Variants in ZNF574 observed in about 807,000 individuals in gnomAD.
ZNF574 encodes zinc finger protein 574.
Under a neutral mutation model 56.6 loss-of-function variants are expected in ZNF574, and 25 were observed. That is an observed-to-expected ratio of 0.44 (90% CI 0.32 to 0.62). The LOEUF (loss-of-function observed/expected upper bound fraction) is 0.62, where lower values mean the gene tolerates loss of function less well. Ranked by LOEUF, ZNF574 falls within the 20% of genes least tolerant of loss-of-function variation. ZNF574 has a pLI of 0.04. For missense variants in ZNF574, 1,065 were observed against 1,218.9 expected (o/e 0.87, Z 1.88); for synonymous variants, 543 against 492.1 (o/e 1.10, Z -1.37).
In ZNF574 at chr19:42,080,842, C is replaced by A. The variant is rs1295500147; in HGVS notation, c.2236C>A (p.Leu746Met). The A allele has an allele frequency of 1.9e-6, 3 of 1,613,994 alleles. No individual in the cohort carries two copies. Among genetic ancestry groups the A allele is most frequent in the African/African-American group, 2.7e-5 (2 of 74,944 alleles). ...RGLECSECKK[L>M]FSTETSLQVH... ...TCTAGAGTGCAGCGAGTGCAAGAAGCTGTTCAGCACAGAGACGTCACTGCA... is the reference window on the plus strand; with the variant it reads ...TCTAGAGTGCAGCGAGTGCAAGAAGATGTTCAGCACAGAGACGTCACTGCA... Residue 746 changes from leucine (L) to methionine (M), a missense_variant, in exon 2 of 2, where the codon CTG becomes ATG. Physicochemically the swap from Leu to Met is conservative, Grantham distance 15. Transcript: ENST00000359044. The surrounding 1 kb of genome is among the most constrained non-coding windows in gnomAD (Gnocchi z 8.5).
chr19:42,072,827 A>G (rs2076433656), upstream of ZNF574, among the ~76,000 whole-genome samples: 1 of 152,136 alleles, frequency 6.6e-6, no homozygotes, highest in Admixed American at 6.5e-5. Flanking sequence ...CGGTCTCCCA[A>G]AGTGTTGTGA....
rs1240370202 is a variant in ZNF574 at position 42,079,557 on chromosome 19, C to T, written c.951C>T (p.Leu317=). The change falls in exon 2 of 2, where the codon CTC becomes CTT. Residue 317 remains leucine (L), a synonymous_variant. Coordinates refer to ENST00000359044, the MANE Select transcript of ZNF574 (RefSeq NM_022752.6). This position sits in a 1 kb window ranked among gnomAD's most constrained non-coding sequence, Gnocchi z 4.3. ...QELFCSACDQ[L]FLSPHQLQQH... is the part of the protein sequence containing the mutation. Reference sequence around the variant, plus strand: ...TCTTCTGCTCAGCCTGTGACCAGCTCTTTCTCTCACCCCACCAGCTACAGC... The same window carrying T: ...TCTTCTGCTCAGCCTGTGACCAGCTTTTTCTCTCACCCCACCAGCTACAGC... 1.2e-6 allele frequency: 2 copies of T among 1,614,124 alleles called. No individual in the cohort carries two copies. Among genetic ancestry groups the T allele is most frequent in the African/African-American group, 1.3e-5 (1 of 75,058 alleles).
At position 42,080,859 on chromosome 19, in the gene ZNF574, G is replaced by A. The variant is rs569304686; in HGVS notation, c.2253G>A (p.Thr751=). ...SECKKLFSTE[T]SLQVHRRIHT... is the part of the protein sequence containing the mutation. ...GCAAGAAGCTGTTCAGCACAGAGAC[G>A]TCACTGCAGGTGCACCGGCGCATCC... Residue 751 remains threonine, a synonymous_variant, in exon 2 of 2, where the codon ACG becomes ACA. Coordinates refer to ENST00000359044, the MANE Select transcript of ZNF574 (RefSeq NM_022752.6). The surrounding 1 kb of genome is among the most constrained non-coding windows in gnomAD (Gnocchi z 8.5). 4.3e-5 allele frequency: 70 copies of A among 1,614,022 alleles called. No homozygotes were observed. In the Middle Eastern group the frequency reaches 5.0e-4, roughly 11 times the overall value.
chr19:42,070,016 G>T (rs548151758), intron 1 of ZNF574, among the ~76,000 whole-genome samples: 1 of 151,956 alleles, frequency 6.6e-6, no homozygotes, highest in Non-Finnish European at 1.5e-5. Flanking sequence ...AGGGGCTCCC[G>T]GTGCTGGGCC....
At chr19:42,076,497 GGGGCTGAGTGAGGAGGGGCGGGGCTC>G (rs2076456833) in intron 1 of ZNF574, among the ~76,000 whole-genome samples, 1 of 151,718 alleles carries the variant, frequency 6.6e-6, no homozygotes, top group East Asian at 1.9e-4. Flanking sequence ...AGTCGCGTGC[GGGGCTGAGTGAGGAGGGGCGGGGCTC>G]GGGCTGAGGC....
Position 42,079,063 on chromosome 19 carries a change from C to T in ZNF574, c.457C>T (p.Pro153Ser), listed in dbSNP as rs1456848256. Residue 153 changes from proline to serine, a missense_variant, in exon 2 of 2, where the codon CCC becomes TCC. By Grantham distance (74) the Pro-to-Ser change is moderately conservative (BLOSUM62 -1). Coordinates refer to ENST00000359044, the MANE Select transcript of ZNF574 (RefSeq NM_022752.6). This position sits in a 1 kb window ranked among gnomAD's most constrained non-coding sequence, Gnocchi z 4.3. ...NHRQTHLRAT[P>S]TKAPAPVVLG... ...CCGGCAGACGCACCTCCGGGCCACA[C>T]CCACCAAGGCTCCTGCCCCTGTTGT... 2 of 1,614,070 alleles carry T rather than the reference C, an allele frequency of 1.2e-6. No homozygotes were observed. Among genetic ancestry groups the T allele is most frequent in the Non-Finnish European group, 1.7e-6 (2 of 1,180,032 alleles).
At position 42,081,319 on chromosome 19, in the gene ZNF574, G is replaced by C. The variant is rs770972665; in HGVS notation, c.*22G>C. 6.8e-6 allele frequency: 11 copies of C among 1,614,054 alleles called. No homozygotes were observed. Among genetic ancestry groups the C allele is most frequent in the Non-Finnish European group, 9.3e-6 (11 of 1,180,016 alleles). ...CTGACTCTGCCCGACTTCCTCTTTG[G>C]CACCTCCATTCCCTGTTGCTGAAGG... is the stretch of plus-strand genomic sequence containing the variant. On this transcript the variant is annotated 3_prime_UTR_variant, in exon 2 of 2. Coordinates refer to ENST00000359044, the MANE Select transcript of ZNF574 (RefSeq NM_022752.6).
intron 1 of ZNF574, among the ~76,000 whole-genome samples, chr19:42,078,173 T>A (rs563876775): frequency 6.6e-6 from 1 of 151,792 alleles, no homozygotes; most frequent in Admixed American, 6.6e-5. Flanking sequence ...GGGGTTTCAG[T>A]TGGGTACCTT....
chr19:42,078,677 T>C lies in ZNF574; in HGVS notation c.71T>C (p.Leu24Pro). 6.2e-7 allele frequency: 1 copy of C among 1,614,096 alleles called. No individual in the cohort carries two copies. Among genetic ancestry groups the C allele is most frequent in the Non-Finnish European group, 8.5e-7 (1 of 1,179,978 alleles). The change falls in exon 2 of 2, where the codon CTG (leucine) becomes CCG (proline). Residue 24 changes from leucine (L) to proline (P), a missense_variant. Transcript: ENST00000359044. ...HRYVCSECNQ[L>P]YGSLEEVLMH... ...TATGTCTGCTCTGAGTGCAACCAGCTGTATGGATCACTGGAAGAGGTGCTT... is the reference window on the plus strand; with the variant it reads ...TATGTCTGCTCTGAGTGCAACCAGCCGTATGGATCACTGGAAGAGGTGCTT...
At chr19:42,074,454 CATAAATA>C (rs1249636926), upstream of ZNF574, among the ~76,000 whole-genome samples, 1 of 141,516 alleles carries the variant, frequency 7.1e-6, no homozygotes, top group Admixed American at 7.2e-5. Context: ...GACTCTGTCT[CATAAATA>C]AAATAAAATA....
upstream of ZNF574, among the ~76,000 whole-genome samples, chr19:42,072,103 C>T (rs865940370): frequency 1.6e-4 from 25 of 152,116 alleles, no homozygotes; most frequent in African/African-American, 6.0e-4. Context: ...CCAGAAAGAC[C>T]TCAGCTTATC....
chr19:42,079,707 A>G lies in ZNF574; in HGVS notation c.1101A>G (p.Val367=), dbSNP rs2076482903. The G allele has an allele frequency of 3.1e-6, 5 of 1,614,126 alleles. No individual in the cohort carries two copies. Among genetic ancestry groups the G allele is most frequent in the Non-Finnish European group, 4.2e-6 (5 of 1,180,026 alleles). ...GCAGCGAGTCACACTTCCTGTGTGT[A>G]GACTGTGGCCTGGCCTTCGGCACAG... The part of the protein sequence containing the change: ...DHSSESHFLC[V]DCGLAFGTEA... Residue 367 remains valine (V), a synonymous_variant, in exon 2 of 2, where the codon GTA becomes GTG. Coordinates refer to ENST00000359044, the MANE Select transcript of ZNF574 (RefSeq NM_022752.6). The surrounding 1 kb of genome is among the most constrained non-coding windows in gnomAD (Gnocchi z 4.3).
At chr19:42,069,760 TC>T (rs1254538518) in intron 1 of ZNF574, among the ~76,000 whole-genome samples, 1 of 149,526 alleles carries the variant, frequency 6.7e-6, no homozygotes, top group Non-Finnish European at 1.5e-5. Flanking sequence ...CCTTTCCCCC[TC>T]CCCCCTGGAG....
rs1421574534 is a variant in ZNF574, at chr19:42,080,832, G to A, written c.2226G>A (p.Glu742=). 6.2e-7 allele frequency: 1 copy of A among 1,614,072 alleles called. No individual in the cohort carries two copies. Among genetic ancestry groups the A allele is most frequent in the Non-Finnish European group, 8.5e-7 (1 of 1,180,026 alleles). ...GCCGCCGGGGTCTAGAGTGCAGCGA[G>A]TGCAAGAAGCTGTTCAGCACAGAGA... The part of the protein sequence containing the change: ...PARRRGLECS[E]CKKLFSTETS... The change falls in exon 2 of 2, where the codon GAG becomes GAA. Residue 742 remains glutamate, a synonymous_variant. Coordinates refer to ENST00000359044, the MANE Select transcript of ZNF574 (RefSeq NM_022752.6). The surrounding 1 kb of genome is among the most constrained non-coding windows in gnomAD (Gnocchi z 8.5).
At chr19:42,073,704 A>G (rs1207608463), upstream of ZNF574, among the ~76,000 whole-genome samples, 2 of 150,296 alleles carry the variant, frequency 1.3e-5, no homozygotes, top group Admixed American at 1.3e-4. Context: ...TATGCCTGTA[A>G]TCCCAGCTAC....
chr19:42,072,775 A>G (rs557401376), upstream of ZNF574, among the ~76,000 whole-genome samples: 1 of 152,300 alleles, frequency 6.6e-6, no homozygotes, highest in Non-Finnish European at 1.5e-5. Flanking sequence ...CATGTTGGTC[A>G]GGCTGGTCTT....
chr19:42,069,919 G>A (rs2076400763), intron 1 of ZNF574, among the ~76,000 whole-genome samples: 1 of 152,268 alleles, frequency 6.6e-6, no homozygotes, highest in East Asian at 1.9e-4. Context: ...CAAGAAGGGG[G>A]CAAATGAGGT....
intron 1 of ZNF574, among the ~76,000 whole-genome samples, chr19:42,069,929 T>G (rs2076400838): frequency 6.8e-6 from 1 of 147,518 alleles, no homozygotes; most frequent in East Asian, 2.1e-4. Context: ...GCAAATGAGG[T>G]GGAGAGATAG....
chr19:42,072,720 C>T (rs2076432850), upstream of ZNF574, among the ~76,000 whole-genome samples: 1 of 152,194 alleles, frequency 6.6e-6, no homozygotes, highest in Non-Finnish European at 1.5e-5. Flanking sequence ...GCATGCACCA[C>T]CATGCCTGAC....
Sources: allele counts gnomAD v4.1 joint callset (sites outside exome capture counted in the v4.1 genomes callset), GRCh38; gene constraint gnomAD v4.1.1; non-coding constraint Gnocchi (gnomAD v3.1); transcripts MANE v1.5; gene names NCBI Gene and HGNC (gene_info 2026-07-23, HGNC 2026-07-21).